The following NECTIN2 variants were observed in gnomAD, a reference collection of about 807,000 sequenced individuals.
The protein encoded by NECTIN2 is nectin cell adhesion molecule 2, also known as nectin-2.
A neutral mutation model predicts 56.9 loss-of-function variants in NECTIN2; 23 were observed. The observed-to-expected ratio is 0.40, with a 90% CI of 0.29 to 0.57. The LOEUF (loss-of-function observed/expected upper bound fraction) is 0.57. NECTIN2 is among the 20% of genes least tolerant of loss of function. NECTIN2 has a pLI of 0.38. For missense variants in NECTIN2, 587 were observed against 718.3 expected (o/e 0.82, Z 2.09); for synonymous variants, 302 against 313.8 (o/e 0.96, Z 0.40).
chr19:44,885,728 T>C (rs1969353659), intron 6 of NECTIN2, among the ~76,000 whole-genome samples: 3 of 152,098 alleles, frequency 2.0e-5, no homozygotes, highest in East Asian at 1.9e-4. Context: ...GGTATGTCCG[T>C]GTAACAGGAA....
intron 1 of NECTIN2, among the ~76,000 whole-genome samples, chr19:44,864,431 A>T (rs1969072521): frequency 6.6e-6 from 1 of 152,264 alleles, no homozygotes; most frequent in East Asian, 1.9e-4. Context: ...AGGCTCAAGC[A>T]TTCCTCCCAC....
chr19:44,846,399 C>A lies in NECTIN2; in HGVS notation c.-127C>A. ...GGAGAGCAGAACAGGGAGGCTAGAG[C>A]GCAGCGGGAACCGGCCCGGAGCCGG... On this transcript the variant is annotated 5_prime_UTR_variant, in exon 1 of 9. Transcript: ENST00000252483. The A allele has an allele frequency of 8.3e-7, 1 of 1,201,368 alleles. No individual in the cohort carries two copies. The highest frequency in any genetic ancestry group is 1.1e-6 in the Non-Finnish European group (1 of 917,972). The allele number at this position is 1,201,368 out of a possible 1,614,324, so 74.4% of individuals were successfully genotyped here. A position where few individuals can be genotyped will look rare whatever the true frequency, so the allele number is the denominator to read the frequency against.
chr19:44,852,953 T>A (rs73572043), intron 1 of NECTIN2, among the ~76,000 whole-genome samples: 5,927 of 151,628 alleles, frequency 0.039, 345 homozygotes, highest in African/African-American at 0.13. Flanking sequence ...CAAAAAAAAA[T>A]TTTTTTTAAT....
At chr19:44,860,289 C>A (rs979469124) in intron 1 of NECTIN2, among the ~76,000 whole-genome samples, 1 of 152,124 alleles carries the variant, frequency 6.6e-6, no homozygotes, top group African/African-American at 2.4e-5. Flanking sequence ...CTTTGGGAGG[C>A]CGAGGCAGGT....
chr19:44,862,879 G>A (rs1969049555), intron 1 of NECTIN2, among the ~76,000 whole-genome samples: 1 of 151,966 alleles, frequency 6.6e-6, no homozygotes, highest in Non-Finnish European at 1.5e-5. Context: ...GCCGGGCGCG[G>A]TGGCTCACGC....
At chr19:44,862,475 A>AG (rs1555786252) in intron 1 of NECTIN2, among the ~76,000 whole-genome samples, 5 of 149,874 alleles carry the variant, frequency 3.3e-5, no homozygotes, top group African/African-American at 9.8e-5. Context: ...ATAAAAAAAA[A>AG]AAAGAAAGAA....
chr19:44,877,141 A>G (rs1197940130), intron 5 of NECTIN2, among the ~76,000 whole-genome samples: 1 of 152,168 alleles, frequency 6.6e-6, no homozygotes, highest in Non-Finnish European at 1.5e-5. Flanking sequence ...CTGATTTGAC[A>G]GCCCGCTGGG....
At position 44,874,341 on chromosome 19, in the gene NECTIN2, C is replaced by A; in HGVS notation, c.905C>A (p.Thr302Asn). 1 of 1,614,158 alleles carries A rather than the reference C, an allele frequency of 6.2e-7. No individual in the cohort carries two copies. The highest frequency in any genetic ancestry group is 8.5e-7 in the Non-Finnish European group (1 of 1,180,002). The change falls in exon 5 of 9, where the codon ACC becomes AAC. Residue 302 changes from threonine to asparagine, a missense_variant. Transcript: ENST00000252483. The surrounding 1 kb of genome is among the most constrained non-coding windows in gnomAD (Gnocchi z 6.3). ...TGYDWSTTSG[T>N]FPTSAVAQGS... is the part of the protein sequence containing the mutation. ...CCACACCCCTCCAGGACCTCAGGCACCTTCCCGACCTCCGCAGTGGCCCAG... is the reference window on the plus strand; with the variant it reads ...CCACACCCCTCCAGGACCTCAGGCAACTTCCCGACCTCCGCAGTGGCCCAG...
chr19:44,849,339 G>A (rs1352913975), intron 1 of NECTIN2, among the ~76,000 whole-genome samples: 1 of 152,140 alleles, frequency 6.6e-6, no homozygotes, highest in Non-Finnish European at 1.5e-5. Flanking sequence ...AAGGGGTTTG[G>A]TGACAGGCAG....
chr19:44,872,164 G>GGTGA lies in NECTIN2; in HGVS notation c.775+16_775+19dup, dbSNP rs1292519167. The GGTGA allele has an allele frequency of 6.2e-7, 1 of 1,606,184 alleles. No homozygotes were observed. On this transcript the variant is annotated intron_variant, in intron 3 of 8. Coordinates refer to ENST00000252483, the MANE Select transcript of NECTIN2 (RefSeq NM_001042724.2). ...CTCTGTACGCTGTGAGTGTATCGGGGGTGACCCCTCCCCCATCAAAACTGC... is the reference window on the plus strand; with the variant it reads ...CTCTGTACGCTGTGAGTGTATCGGGGGTGAGTGACCCCTCCCCCATCAAAACTGC...
At chr19:44,848,876 G>A (rs1161905399) in intron 1 of NECTIN2, among the ~76,000 whole-genome samples, 1 of 152,086 alleles carries the variant, frequency 6.6e-6, no homozygotes, top group African/African-American at 2.4e-5. Context: ...CCTCCTCGGG[G>A]AATGCGGGTG....
intron 5 of NECTIN2, chr19:44,878,421 T>C: frequency 8.9e-6 from 14 of 1,576,602 alleles, no homozygotes; most frequent in Non-Finnish European, 1.2e-5. Context: ...AAAGCTCAGG[T>C]GTTGGGAAAT....
intron 1 of NECTIN2, among the ~76,000 whole-genome samples, chr19:44,857,235 C>T (rs866168738): frequency 3.1e-5 from 4 of 128,422 alleles, no homozygotes; most frequent in African/African-American, 6.0e-5. Flanking sequence ...TACAAGTGGA[C>T]TTTTTTTTTT....
At chr19:44,853,964 A>G (rs1968932915) in intron 1 of NECTIN2, among the ~76,000 whole-genome samples, 1 of 152,114 alleles carries the variant, frequency 6.6e-6, no homozygotes, top group Non-Finnish European at 1.5e-5. Context: ...TGAGATGGTG[A>G]GAAGCACTAT....
rs1403840551 is a variant in NECTIN2, at chr19:44,888,114, T to G, written c.1352T>G (p.Met451Arg). ...DAGASCTEQE[M>R]PRYHELPTLE... Reference sequence around the variant, plus strand: ...CTGTCCTCTCTCTACCTCCAGGAAATGCCTCGATACCATGAGCTGCCCACC... The same window carrying G: ...CTGTCCTCTCTCTACCTCCAGGAAAGGCCTCGATACCATGAGCTGCCCACC... The change falls in exon 9 of 9, where the codon ATG (methionine) becomes AGG (arginine). Residue 451 changes from methionine (M) to arginine (R), a missense_variant. By Grantham distance (91) the Met-to-Arg change is moderately conservative (BLOSUM62 -1). Transcript: ENST00000252483. The G allele has an allele frequency of 6.2e-7, 1 of 1,610,594 alleles. No homozygotes were observed.
intron 5 of NECTIN2, among the ~76,000 whole-genome samples, chr19:44,881,862 C>A (rs1258767079): frequency 6.6e-6 from 1 of 152,190 alleles, no homozygotes; most frequent in Non-Finnish European, 1.5e-5. Context: ...CCACTTTGCA[C>A]CTCCTATCAC....
chr19:44,864,921 A>G (rs1245949542), intron 1 of NECTIN2, among the ~76,000 whole-genome samples: 3 of 152,104 alleles, frequency 2.0e-5, no homozygotes, highest in Admixed American at 6.6e-5. Context: ...TTGCTGAACC[A>G]TTTAGGAGTA....
In NECTIN2 at chr19:44,888,612, G is replaced by A. The variant is rs1969387181; in HGVS notation, c.*233G>A. 3.6e-6 allele frequency: 2 copies of A among 557,258 alleles called. No individual in the cohort carries two copies. Among genetic ancestry groups the A allele is most frequent in the East Asian group, 2.9e-5 (1 of 34,650 alleles). 34.5% of individuals were successfully genotyped at this position (557,258 alleles called of 1,614,324 possible). On this transcript the variant is annotated 3_prime_UTR_variant, in exon 9 of 9. Transcript: ENST00000252483. ...TCTCATGAGGCAGGAGGTGGGGAAGGTGCTTCTGCACAACCTCTGATCCCA... is the reference window on the plus strand; with the variant it reads ...TCTCATGAGGCAGGAGGTGGGGAAGATGCTTCTGCACAACCTCTGATCCCA...
chr19:44,874,131 C>T lies in NECTIN2; in HGVS notation c.893+98C>T. 1 of 1,229,964 alleles carries T rather than the reference C, an allele frequency of 8.1e-7. No individual in the cohort carries two copies. The highest frequency in any genetic ancestry group is 2.4e-5 in the East Asian group (1 of 42,058). 76.2% of individuals were successfully genotyped at this position (1,229,964 alleles called of 1,614,324 possible). The stretch of plus-strand genomic sequence containing the variant: ...GAGGAGGGGCTGGGGGCCTGGACTC[C>T]TGGATCTGAGGGAGGAGGGGCTGGG... On this transcript the variant is annotated intron_variant, in intron 4 of 8. Transcript: ENST00000252483. This position sits in a 1 kb window ranked among gnomAD's most constrained non-coding sequence, Gnocchi z 6.3.
Sources: allele counts gnomAD v4.1 joint callset (sites outside exome capture counted in the v4.1 genomes callset), GRCh38; gene constraint gnomAD v4.1.1; non-coding constraint Gnocchi (gnomAD v3.1); transcripts MANE v1.5; gene names NCBI Gene and HGNC (gene_info 2026-07-23, HGNC 2026-07-21).